Variants in ZC3H4 observed in about 807,000 individuals in gnomAD.
The protein encoded by ZC3H4 is zinc finger CCCH-type containing 4.
ZC3H4 carries 13 observed loss-of-function variants against 108.3 expected under a neutral mutation model. That is an observed-to-expected ratio of 0.12 (90% CI 0.08 to 0.19). The LOEUF is 0.19. Ranked by LOEUF, ZC3H4 falls within the 10% of genes least tolerant of loss-of-function variation. ZC3H4 has a pLI of 1.00. For synonymous variants in ZC3H4, 917 were observed against 749.6 expected, an observed-to-expected ratio of 1.22 and a Z score of -3.65; for missense variants, 1,734 against 1,838.8, an observed-to-expected ratio of 0.94 and a Z score of 1.04.
intron 4 of ZC3H4, among the ~76,000 whole-genome samples, chr19:47,091,258 C>T (rs534581156): frequency 4.3e-4 from 66 of 151,822 alleles, no homozygotes; most frequent in African/African-American, 1.5e-3. Context: ...GGTGACACAG[C>T]GAAACAACAA....
chr19:47,107,847 C>T (rs1008681692), intron 2 of ZC3H4, among the ~76,000 whole-genome samples: 1 of 152,170 alleles, frequency 6.6e-6, no homozygotes, highest in African/African-American at 2.4e-5. Flanking sequence ...TTCAAAACTG[C>T]ATCTGCATTA....
At position 47,072,311 on chromosome 19, in the gene ZC3H4, G is replaced by A. The variant is rs768669953; in HGVS notation, c.1802+41C>T. On this transcript the variant is annotated intron_variant, in intron 12 of 14. Transcript: ENST00000253048. The surrounding 1 kb of genome is among the most constrained non-coding windows in gnomAD (Gnocchi z 5.6). ...ACAAGAGGAGCCTGGCTGGGCCCAG[G>A]ACAGCGCCCACTGCCTGTCACGGGG... The A allele has an allele frequency of 6.3e-7, 1 of 1,589,148 alleles. No individual in the cohort carries two copies. The highest frequency in any genetic ancestry group is 8.6e-7 in the Non-Finnish European group (1 of 1,164,398).
rs1235456681 is a variant in ZC3H4, at chr19:47,066,375, G to A, written c.3893C>T (p.Ala1298Val). Residue 1298 changes from alanine (A) to valine (V), a missense_variant, in exon 15 of 15, where the codon GCC (alanine) becomes GTC (valine). Physicochemically the swap from Ala to Val is moderately conservative, Grantham distance 64. Around this residue, in one of 9 missense-constraint regions of ZC3H4, gnomAD observed 518 missense variants for 499.6 expected, o/e 1.04. Coordinates refer to ENST00000253048, the MANE Select transcript of ZC3H4 (RefSeq NM_015168.2). ...KDVFKGFDPT[A>V]SPFCQ is the part of the protein sequence containing the mutation. ...TGGACACTACTGGCAAAAGGGGGAG[G>A]CCGTGGGGTCGAAGCCTTTAAAAAC... The A allele has an allele frequency of 6.4e-7, 1 of 1,558,988 alleles. No individual in the cohort carries two copies. The highest frequency in any genetic ancestry group is 1.2e-5 in the South Asian group (1 of 82,136).
chr19:47,103,928 A>G (rs538912799), intron 2 of ZC3H4, among the ~76,000 whole-genome samples: 1 of 152,006 alleles, frequency 6.6e-6, no homozygotes, highest in Non-Finnish European at 1.5e-5. Context: ...TGGGTGAAAG[A>G]GCGAGACTCC....
rs376987186 is a variant in ZC3H4, at chr19:47,090,193, C to T, written c.493-4G>A. 95 of 1,614,000 alleles carry T rather than the reference C, an allele frequency of 5.9e-5. No homozygotes were observed. The African/African-American group carries it at 7.9e-4, about 13-fold the overall frequency. On this transcript the variant is annotated splice_polypyrimidine_tract_variant and splice_region_variant and intron_variant, in intron 4 of 14. Coordinates refer to ENST00000253048, the MANE Select transcript of ZC3H4 (RefSeq NM_015168.2). Reference sequence around the variant, plus strand: ...ATGGGGGGTACTGCTGGTGGGACTGCGTCCCAGAGATGGGGAAAAGAGGTG... The same window carrying T: ...ATGGGGGGTACTGCTGGTGGGACTGTGTCCCAGAGATGGGGAAAAGAGGTG...
At chr19:47,107,682 G>A (rs1330153483) in intron 2 of ZC3H4, among the ~76,000 whole-genome samples, 1 of 151,082 alleles carries the variant, frequency 6.6e-6, no homozygotes, top group Non-Finnish European at 1.5e-5. Context: ...AAAGTAACAG[G>A]ACACAACTAA....
chr19:47,082,242 C>T lies in ZC3H4; in HGVS notation c.1272G>A (p.Leu424=), dbSNP rs1269926125. The change falls in exon 10 of 15, where the codon CTG becomes CTA. Residue 424 remains leucine, a synonymous_variant. Transcript: ENST00000253048. ...HDIELPKKRE[L]CKFYITGFCA... ...AAAATCCAGTGATGTAAAACTTGCA[C>T]AGTTCTCGCTTCTTTGGGAGTTCGA... is the stretch of plus-strand genomic sequence containing the variant. The T allele has an allele frequency of 2.5e-6, 4 of 1,613,978 alleles. No homozygotes were observed. Among genetic ancestry groups the T allele is most frequent in the Non-Finnish European group, 3.4e-6 (4 of 1,179,968 alleles).
chr19:47,080,992 T>G (rs1231657132), intron 11 of ZC3H4, among the ~76,000 whole-genome samples: 1 of 152,118 alleles, frequency 6.6e-6, no homozygotes, highest in African/African-American at 2.4e-5. Flanking sequence ...TAAGTACAAC[T>G]GATCTGCCTG....
intron 5 of ZC3H4, among the ~76,000 whole-genome samples, chr19:47,087,292 AC>A (rs2057646667): frequency 2.2e-5 from 2 of 91,900 alleles, no homozygotes; most frequent in African/African-American, 6.6e-5. Flanking sequence ...ACACACACAC[AC>A]ACACAAAAAA....
rs572353446 is a variant in ZC3H4 at position 47,085,485 on chromosome 19, C to A, written c.871-71G>T. The A allele has an allele frequency of 4.2e-5, 57 of 1,350,686 alleles. 1 individual carries two copies. The Admixed American group carries it at 1.2e-3, about 28-fold the overall frequency. 83.7% of individuals were successfully genotyped at this position (1,350,686 alleles called of 1,614,324 possible). Reference sequence around the variant, plus strand: ...AATGAACACTGTCCCCACCTACACACTGCTCCTTTTTGAAGGATGGTGACC... The same window carrying A: ...AATGAACACTGTCCCCACCTACACAATGCTCCTTTTTGAAGGATGGTGACC... On this transcript the variant is annotated intron_variant, in intron 6 of 14. Transcript: ENST00000253048.
Position 47,081,523 on chromosome 19 carries a change from A to AGCTC in ZC3H4, c.1426_1429dup (p.Leu477ArgfsTer5). ...ACCCCCGGACATTACCTTATCCAAG[A>AGCTC]GCTCCCTCGTCTCTTCGGTCAGAGG... On this transcript the variant is annotated frameshift_variant, in exon 11 of 15. Transcript: ENST00000253048. LOFTEE classifies it high-confidence loss of function. 1 of 1,614,162 alleles carries AGCTC rather than the reference A, an allele frequency of 6.2e-7. No homozygotes were observed. Among genetic ancestry groups the AGCTC allele is most frequent in the Non-Finnish European group, 8.5e-7 (1 of 1,180,006 alleles).
chr19:47,091,101 GCAA>G (rs112489192), intron 4 of ZC3H4, among the ~76,000 whole-genome samples: 37 of 151,552 alleles, frequency 2.4e-4, no homozygotes, highest in Middle Eastern at 3.2e-3. Flanking sequence ...ATGCAAAAAT[GCAA>G]CAACAACAAC....
Position 47,101,198 on chromosome 19 carries a change from G to T in ZC3H4, c.162-6590C>A, listed in dbSNP as rs193119159. 3.3e-5 allele frequency among the ~76,000 whole-genome samples: 5 copies of T among 151,718 alleles called. No individual in the cohort carries two copies. In the East Asian group the frequency reaches 9.9e-4, roughly 30 times the overall value. The stretch of plus-strand genomic sequence containing the variant: ...CTACAATAAATACAAAACTTAGCCT[G>T]GCAGCATGTGCTTGTAGTCCCAGCT... On this transcript the variant is annotated intron_variant, in intron 2 of 14. Transcript: ENST00000253048.
chr19:47,080,381 C>A (rs2057499407), intron 11 of ZC3H4, among the ~76,000 whole-genome samples: 2 of 152,306 alleles, frequency 1.3e-5, no homozygotes, highest in East Asian at 3.9e-4. Context: ...CCTTTAGAGA[C>A]CCCCAACTTC....
intron 11 of ZC3H4, among the ~76,000 whole-genome samples, chr19:47,079,099 A>G (rs62136859): frequency 0.6 from 87,397 of 146,188 alleles, 26,737 homozygotes; most frequent in Non-Finnish European, 0.69. Flanking sequence ...GCACGATCTC[A>G]GCTCACCGCA....
chr19:47,071,771 C>T lies in ZC3H4; in HGVS notation c.2146+7G>A, dbSNP rs770565117. ...CCCCAGGCAGCCACACCTGGAGTCCCGCATACCTGCATCCCCCAGGAGTCC... is the reference window on the plus strand; with the variant it reads ...CCCCAGGCAGCCACACCTGGAGTCCTGCATACCTGCATCCCCCAGGAGTCC... On this transcript the variant is annotated splice_region_variant and intron_variant, in intron 13 of 14. Transcript: ENST00000253048. The T allele has an allele frequency of 1.9e-5, 30 of 1,597,930 alleles. No homozygotes were observed. The highest frequency in any genetic ancestry group is 3.4e-4 in the Middle Eastern group (2 of 5,960).
chr19:47,106,034 T>C (rs1322535895), intron 2 of ZC3H4, among the ~76,000 whole-genome samples: 1 of 152,204 alleles, frequency 6.6e-6, no homozygotes, highest in South Asian at 2.1e-4. Context: ...CCTCTCTGTT[T>C]TGGTTTCTCC....
chr19:47,088,697 C>T (rs1207461054), intron 5 of ZC3H4, among the ~76,000 whole-genome samples: 1 of 152,100 alleles, frequency 6.6e-6, no homozygotes, highest in Non-Finnish European at 1.5e-5. Flanking sequence ...CGCTGTGTTG[C>T]CCAGGCTGGC....
intron 4 of ZC3H4, among the ~76,000 whole-genome samples, chr19:47,092,558 T>C (rs1427395961): frequency 1.3e-5 from 2 of 152,178 alleles, no homozygotes; most frequent in African/African-American, 4.8e-5. Context: ...GGCTCTCGCC[T>C]GTAACCCTAG....
Sources: gnomAD v4.1 joint callset for allele counts (sites outside exome capture counted in the v4.1 genomes callset) on GRCh38, gnomAD v4.1.1 for gene constraint, gnomAD v4.1.1 regional missense constraint, Gnocchi (gnomAD v3.1) non-coding constraint, MANE v1.5 for transcripts, NCBI Gene and HGNC (gene_info 2026-07-23, HGNC 2026-07-21) for gene names.